Variants in C3orf52 observed in about 807,000 individuals in gnomAD.
C3orf52 encodes the protein chromosome 3 open reading frame 52, also known as TPA-induced transmembrane protein.
A neutral mutation model predicts 24.8 loss-of-function variants in C3orf52; 22 were observed. The observed-to-expected ratio is 0.89, with a 90% CI of 0.63 to 1.27. The LOEUF (loss-of-function observed/expected upper bound fraction) is 1.27, where lower values mean the gene tolerates loss of function less well. Among genes scored for constraint, C3orf52 ranks in the 50% most tolerant of loss-of-function variants. The probability of loss-of-function intolerance (pLI) is 0.00; values close to 1 mark genes in which losing one functional copy is unlikely to be tolerated. For missense variants in C3orf52, 265 were observed against 260.7 expected (o/e 1.02, Z -0.11); for synonymous variants, 93 against 100.2 (o/e 0.93, Z 0.43).
In C3orf52 at chr3:112,086,525, G is replaced by T. The variant is rs563113090; in HGVS notation, c.118G>T (p.Glu40Ter). 2.6e-6 allele frequency: 4 copies of T among 1,551,168 alleles called. No individual in the cohort carries two copies. In the African/African-American group the frequency reaches 5.5e-5, roughly 21 times the overall value. Residue 40 changes from glutamate (E) to a stop codon, truncating the protein, a stop_gained, in exon 1 of 6, where the codon GAG (glutamate) becomes TAG (stop). Transcript: ENST00000264848. LOFTEE classifies it high-confidence loss of function. ...GADKVFPSLD[E>*]EVPPAEANKE... ...CGACAAGGTCTTCCCTTCTTTGGAC[G>T]AGGAGGTCCCCCCGGCCGAGGTAAG...
intron 2 of C3orf52, among the ~76,000 whole-genome samples, chr3:112,101,867 G>GCA (rs767322376): frequency 0.094 from 14,299 of 152,142 alleles, 1,228 homozygotes; most frequent in African/African-American, 0.23. Flanking sequence ...TGAGGCTGTT[G>GCA]TGGAGCCAGG....
At position 112,116,989 on chromosome 3, in the gene C3orf52, T is replaced by C. The variant is rs1323115733; in HGVS notation, c.*343T>C. On this transcript the variant is annotated 3_prime_UTR_variant, in exon 6 of 6. Transcript: ENST00000264848. ...TGTTTTTTGAGACAGGGTCTCGTTC[T>C]GTCGCTTAGCTGGAGTGCGGTGGCG... 2.1e-6 allele frequency: 3 copies of C among 1,460,286 alleles called. No individual in the cohort carries two copies. Among genetic ancestry groups the C allele is most frequent in the African/African-American group, 2.8e-5 (2 of 71,462 alleles). 90.5% of individuals were successfully genotyped at this position (1,460,286 alleles called of 1,614,324 possible).
chr3:112,087,740 A>G (rs1378480972), intron 1 of C3orf52, among the ~76,000 whole-genome samples: 1 of 152,214 alleles, frequency 6.6e-6, no homozygotes, highest in Non-Finnish European at 1.5e-5. Context: ...AGTGGCCACA[A>G]CTGTGAACTG....
intron 4 of C3orf52, among the ~76,000 whole-genome samples, chr3:112,126,653 G>A (rs1027432589): frequency 2.0e-5 from 3 of 152,184 alleles, no homozygotes; most frequent in Non-Finnish European, 4.4e-5. Flanking sequence ...ACTTGGCCAG[G>A]AGGCCCCACC....
intron 4 of C3orf52, among the ~76,000 whole-genome samples, chr3:112,124,743 G>A (rs1269604007): frequency 2.0e-5 from 3 of 152,154 alleles, no homozygotes; most frequent in Non-Finnish European, 4.4e-5. Context: ...ACTTATGATG[G>A]GATATCAGGA....
At chr3:112,088,659 T>G (rs550615677) in intron 1 of C3orf52, among the ~76,000 whole-genome samples, 3 of 140,644 alleles carry the variant, frequency 2.1e-5, no homozygotes, top group Non-Finnish European at 4.5e-5. Flanking sequence ...TCTGTTGATT[T>G]ATTCTATCTA....
chr3:112,097,105 A>C (rs559824981), intron 2 of C3orf52, among the ~76,000 whole-genome samples: 1 of 152,140 alleles, frequency 6.6e-6, no homozygotes, highest in Non-Finnish European at 1.5e-5. Context: ...AGGAATTATA[A>C]ATTTCTTGAT....
chr3:112,120,105 G>C (rs956272327), downstream of C3orf52, among the ~76,000 whole-genome samples: 4 of 152,324 alleles, frequency 2.6e-5, no homozygotes, highest in Non-Finnish European at 4.4e-5. Context: ...ACCTCTCAAG[G>C]CTTCACCAAG....
chr3:112,093,183 C>A (rs1483325670), intron 1 of C3orf52, among the ~76,000 whole-genome samples, 177 bp from the exon 2 acceptor site: 1 of 152,202 alleles, frequency 6.6e-6, no homozygotes, highest in Non-Finnish European at 1.5e-5. Flanking sequence ...TTGCTAACTT[C>A]TTGATGAGGT....
chr3:112,112,711 GCC>G, intron 4 of C3orf52: 1 of 480,308 alleles, frequency 2.1e-6, no homozygotes, highest in Non-Finnish European at 3.9e-6. Flanking sequence ...ACCTCTGATG[GCC>G]TCTCCCAGTG....
chr3:112,093,575 A>G, intron 2 of C3orf52, 86 bp downstream of exon 2: 4 of 1,252,066 alleles, frequency 3.2e-6, no homozygotes, highest in Non-Finnish European at 4.5e-6. Flanking sequence ...AGATGTACTC[A>G]TAGCCATTTC....
chr3:112,089,529 CAAAAA>C (rs56236834), intron 1 of C3orf52, among the ~76,000 whole-genome samples: 4 of 97,564 alleles, frequency 4.1e-5, no homozygotes, highest in Non-Finnish European at 2.1e-5. Context: ...AACTTCGTCT[CAAAAA>C]AAAAAAAAAA....
At chr3:112,108,243 T>G (rs2074045752) in intron 3 of C3orf52, among the ~76,000 whole-genome samples, 1 of 152,136 alleles carries the variant, frequency 6.6e-6, no homozygotes, top group African/African-American at 2.4e-5. Context: ...TTAATAAACA[T>G]GAAAAGATGT....
downstream of C3orf52, chr3:112,133,420 G>T: frequency 2.8e-6 from 1 of 356,318 alleles, no homozygotes; most frequent in Non-Finnish European, 5.1e-6. Context: ...TCCCAGGTCT[G>T]AAATTACAGA....
intron 5 of C3orf52, 137 bp downstream of exon 5, chr3:112,113,282 C>T: frequency 1.5e-6 from 1 of 650,474 alleles, no homozygotes; most frequent in Non-Finnish European, 2.6e-6. Flanking sequence ...CACTCATCCC[C>T]TCAGCAGATG....
At chr3:112,122,465 G>A (rs1428367105), downstream of C3orf52, 2 of 152,088 alleles carry the variant, frequency 1.3e-5, no homozygotes, top group Admixed American at 1.3e-4. Context: ...GAACACTAAG[G>A]AAAAGATAAG....
At chr3:112,086,761 C>T (rs920960960) in intron 1 of C3orf52, among the ~76,000 whole-genome samples, 3 of 152,212 alleles carry the variant, frequency 2.0e-5, no homozygotes, top group Non-Finnish European at 4.4e-5. Flanking sequence ...CCTCCAACCC[C>T]TCTGACCCCC....
chr3:112,096,293 C>G (rs1211083240), intron 2 of C3orf52, among the ~76,000 whole-genome samples: 1 of 152,216 alleles, frequency 6.6e-6, no homozygotes, highest in African/African-American at 2.4e-5. Flanking sequence ...GTTTTAGGAA[C>G]AGAAGCCATG....
At position 112,116,802 on chromosome 3, in the gene C3orf52, G is replaced by A; in HGVS notation, c.*156G>A. 7.8e-6 allele frequency: 12 copies of A among 1,540,436 alleles called. No individual in the cohort carries two copies. The highest frequency in any genetic ancestry group is 2.4e-5 in the South Asian group (2 of 84,064). On this transcript the variant is annotated 3_prime_UTR_variant, in exon 6 of 6. Coordinates refer to ENST00000264848, the MANE Select transcript of C3orf52 (RefSeq NM_024616.3). ...GACTCCTTTCTCTCCCGATTCTACA[G>A]TCTGGCTCTAAGCCCAGTAAAACAG...
Sources: allele counts gnomAD v4.1 joint callset (sites outside exome capture counted in the v4.1 genomes callset), GRCh38; gene constraint gnomAD v4.1.1; transcripts MANE v1.5; gene names NCBI Gene and HGNC (gene_info 2026-07-23, HGNC 2026-07-21).